Variants in EYA2 observed in about 807,000 individuals in gnomAD.
EYA2 encodes EYA transcriptional coactivator and phosphatase 2.
Under a neutral mutation model 69.2 loss-of-function variants are expected in EYA2, and 31 were observed. That is an observed-to-expected ratio of 0.45 (90% confidence interval 0.34 to 0.60). The LOEUF (loss-of-function observed/expected upper bound fraction) is 0.60. EYA2 is among the 20% of genes least tolerant of loss of function. The pLI, the probability that EYA2 is intolerant of heterozygous loss-of-function variation, is 0.02. For missense variants in EYA2, 622 were observed against 701.2 expected (o/e 0.89, Z 1.28); for synonymous variants, 257 against 279.4 (o/e 0.92, Z 0.80).
intron 6 of EYA2, among the ~76,000 whole-genome samples, chr20:47,072,521 C>T (rs1370700336): frequency 1.3e-5 from 2 of 152,102 alleles, no homozygotes; most frequent in Non-Finnish European, 2.9e-5. Context: ...CTCAGGACAC[C>T]CATTGACTGT....
intron 9 of EYA2, among the ~76,000 whole-genome samples, chr20:47,099,965 T>C (rs1809889392): frequency 6.6e-6 from 1 of 152,036 alleles, no homozygotes; most frequent in African/African-American, 2.4e-5. Context: ...TGAATCAGGG[T>C]GATCCCCTAG....
intron 15 of EYA2, among the ~76,000 whole-genome samples, chr20:47,184,614 G>C (rs1281672007): frequency 3.3e-5 from 5 of 151,372 alleles, no homozygotes; most frequent in African/African-American, 7.3e-5. Flanking sequence ...ATAGAGATGG[G>C]GTTTTGCCAT....
At chr20:47,182,102 G>T (rs960574048) in intron 14 of EYA2, among the ~76,000 whole-genome samples, 5 of 151,722 alleles carry the variant, frequency 3.3e-5, no homozygotes, top group African/African-American at 1.2e-4. Flanking sequence ...TACAACCTCC[G>T]CCTCCTGGGT....
chr20:46,948,385 G>A (rs1367430468), intron 1 of EYA2, among the ~76,000 whole-genome samples: 1 of 152,156 alleles, frequency 6.6e-6, no homozygotes, highest in African/African-American at 2.4e-5. Flanking sequence ...CATAGGCTGT[G>A]GGTTGCCAAC....
chr20:47,141,221 T>C (rs1273047012), intron 9 of EYA2, among the ~76,000 whole-genome samples: 1 of 147,132 alleles, frequency 6.8e-6, no homozygotes, highest in Non-Finnish European at 1.5e-5. Flanking sequence ...ACTTCATAGA[T>C]ATTAGCCAGG....
chr20:47,078,680 A>G (rs1219865853), intron 7 of EYA2, among the ~76,000 whole-genome samples: 1 of 152,262 alleles, frequency 6.6e-6, no homozygotes, highest in Admixed American at 6.5e-5. Flanking sequence ...TACTTAAGAG[A>G]AAAACCAAAT....
chr20:47,078,067 C>G (rs927153537), intron 7 of EYA2, among the ~76,000 whole-genome samples: 2 of 152,174 alleles, frequency 1.3e-5, no homozygotes, highest in African/African-American at 4.8e-5. Flanking sequence ...TCTCTTCATT[C>G]CCATCAGGAG....
At chr20:47,074,078 C>G in intron 6 of EYA2, 80 bp from the exon 7 acceptor site, 1 of 1,334,984 alleles carries the variant, frequency 7.5e-7, no homozygotes, top group East Asian at 2.5e-5. Context: ...AATGGTGAGA[C>G]AGAGTGGCCA....
chr20:47,096,845 A>G (rs2032261021), intron 8 of EYA2, among the ~76,000 whole-genome samples: 2 of 152,242 alleles, frequency 1.3e-5, no homozygotes, highest in Admixed American at 6.5e-5. Flanking sequence ...AGGCAAGGAC[A>G]GACTTCTTGA....
chr20:47,073,187 G>A (rs1179918021), intron 6 of EYA2, among the ~76,000 whole-genome samples: 2 of 152,208 alleles, frequency 1.3e-5, no homozygotes, highest in African/African-American at 4.8e-5. Flanking sequence ...CCAGGAAGCA[G>A]AACGTTCCAT....
At chr20:46,973,342 G>A (rs1029258134) in intron 1 of EYA2, among the ~76,000 whole-genome samples, 2 of 152,184 alleles carry the variant, frequency 1.3e-5, no homozygotes, top group Non-Finnish European at 2.9e-5. Flanking sequence ...AAAGGAGGGG[G>A]AGGCTATTCT....
intron 3 of EYA2, 149 bp downstream of exon 3, chr20:47,001,622 CACTCCACCT>C: frequency 1.2e-6 from 1 of 801,404 alleles, no homozygotes; most frequent in Non-Finnish European, 2.1e-6. Flanking sequence ...TTGAGCAAGT[CACTCCACCT>C]CCCTGGGCCT....
At position 46,920,234 on chromosome 20, in the gene EYA2, T is replaced by TTA. The variant is rs1555803083; in HGVS notation, c.-11+25247_-11+25248insTA. 2.7e-5 allele frequency among the ~76,000 whole-genome samples: 4 copies of TTA among 149,410 alleles called. No homozygotes were observed. The East Asian group carries it at 5.8e-4, about 22-fold the overall frequency. ...GATTGCCACAAAACTTTAATTTGTT[T>TTA]AAAAAAAAAAACAGTATCTGCAAAG... On this transcript the variant is annotated intron_variant, in intron 1 of 15. Transcript: ENST00000327619.
At chr20:47,058,179 C>T (rs955164830) in intron 5 of EYA2, among the ~76,000 whole-genome samples, 5 of 152,164 alleles carry the variant, frequency 3.3e-5, no homozygotes, top group African/African-American at 7.2e-5. Context: ...ATCCAGAAGA[C>T]AACAAGCCCA....
intron 15 of EYA2, among the ~76,000 whole-genome samples, chr20:47,186,155 T>C (rs2034635513): frequency 6.6e-6 from 1 of 152,066 alleles, no homozygotes; most frequent in African/African-American, 2.4e-5. Context: ...GGAGATGAAC[T>C]TATCTTGTTT....
intron 1 of EYA2, among the ~76,000 whole-genome samples, chr20:46,916,473 T>C (rs965614300): frequency 1.3e-5 from 2 of 152,082 alleles, no homozygotes; most frequent in African/African-American, 4.8e-5. Flanking sequence ...TGTGTGTATC[T>C]GAGTATGAAG....
chr20:47,044,419 A>G (rs1166175308), intron 5 of EYA2, among the ~76,000 whole-genome samples: 2 of 152,212 alleles, frequency 1.3e-5, no homozygotes, highest in African/African-American at 4.8e-5. Context: ...ACTCACAGTG[A>G]GAAAGACAGA....
chr20:47,036,174 G>A (rs936498093), intron 5 of EYA2, among the ~76,000 whole-genome samples: 31 of 152,194 alleles, frequency 2.0e-4, no homozygotes, highest in African/African-American at 7.0e-4. Flanking sequence ...GGGAGGAAGC[G>A]AGAAAGCTGG....
intron 5 of EYA2, among the ~76,000 whole-genome samples, chr20:47,060,619 C>T (rs78437825): frequency 0.018 from 2,807 of 152,328 alleles, 65 homozygotes; most frequent in African/African-American, 0.063. Flanking sequence ...GTGGTATCTG[C>T]CACAAACCGC....
Sources: gnomAD v4.1 joint callset for allele counts (sites outside exome capture counted in the v4.1 genomes callset) on GRCh38, gnomAD v4.1.1 for gene constraint, MANE v1.5 for transcripts, NCBI Gene and HGNC (gene_info 2026-07-23, HGNC 2026-07-21) for gene names.